Variants in CDYL observed in about 807,000 individuals in gnomAD.
CDYL encodes the protein chromodomain Y-like protein.
Under a neutral mutation model 47.3 loss-of-function variants are expected in CDYL, and 8 were observed. The ratio of observed to expected loss-of-function variants is 0.17; its 90% CI spans 0.10 to 0.31. CDYL has a LOEUF of 0.31. Ranked by LOEUF, CDYL falls within the 10% of genes least tolerant of loss-of-function variation. CDYL has a pLI of 1.00. For synonymous variants in CDYL, 266 were observed against 265.0 expected, an observed-to-expected ratio of 1.00 and a Z score of -0.04; for missense variants, 471 against 701.4, an observed-to-expected ratio of 0.67 and a Z score of 3.71.
chr6:4,712,682 A>G (rs891690455), intron 1 of CDYL, among the ~76,000 whole-genome samples: 1 of 152,176 alleles, frequency 6.6e-6, no homozygotes, highest in Non-Finnish European at 1.5e-5. Context: ...CCCCAAGAGG[A>G]GATTCGGACT....
At chr6:4,882,011 G>A (rs1761776744) in intron 1 of CDYL, among the ~76,000 whole-genome samples, 1 of 152,182 alleles carries the variant, frequency 6.6e-6, no homozygotes, top group Non-Finnish European at 1.5e-5. Flanking sequence ...ATAAAAGTTT[G>A]CCTTTTTAAG....
At chr6:4,824,644 G>C (rs1337388576) in intron 1 of CDYL, among the ~76,000 whole-genome samples, 2 of 152,012 alleles carry the variant, frequency 1.3e-5, no homozygotes, top group Non-Finnish European at 2.9e-5. Context: ...GATATGATTT[G>C]CAAATATTTT....
intron 2 of CDYL, among the ~76,000 whole-genome samples, chr6:4,897,448 A>G (rs1762315865): frequency 6.6e-6 from 1 of 152,196 alleles, no homozygotes; most frequent in African/African-American, 2.4e-5. Context: ...GAGGAGCTGG[A>G]GTGTGATTTC....
At chr6:4,904,721 G>GT (rs1757174793) in intron 2 of CDYL, among the ~76,000 whole-genome samples, 2 of 152,182 alleles carry the variant, frequency 1.3e-5, no homozygotes, top group Non-Finnish European at 2.9e-5. Flanking sequence ...TCTGTCTGCA[G>GT]TTTAAGTTCT....
intron 5 of CDYL, among the ~76,000 whole-genome samples, chr6:4,944,157 T>G (rs1758444764): frequency 6.6e-6 from 1 of 152,236 alleles, no homozygotes; most frequent in South Asian, 2.1e-4. Context: ...TTTTATTTCT[T>G]TAACTGTTTA....
chr6:4,709,738 A>G (rs1757115977), intron 1 of CDYL, among the ~76,000 whole-genome samples: 1 of 152,156 alleles, frequency 6.6e-6, no homozygotes, highest in Non-Finnish European at 1.5e-5. Flanking sequence ...TATTGTGGTT[A>G]TTTTGTCACC....
chr6:4,869,465 G>C (rs896261565), intron 1 of CDYL, among the ~76,000 whole-genome samples: 1 of 152,022 alleles, frequency 6.6e-6, no homozygotes, highest in African/African-American at 2.4e-5. Context: ...TTATTGATAT[G>C]GTTGGTTTTA....
intron 2 of CDYL, among the ~76,000 whole-genome samples, chr6:4,900,779 G>GTGTGTGTGTGTGTGTGTATATATATA: frequency 3.9e-5 from 2 of 51,718 alleles, no homozygotes; most frequent in African/African-American, 1.3e-4. Flanking sequence ...GTATACGTGT[G>GTGTGTGTGTGTGTGTGTATATATATA]TATATATATA....
rs555167730 is a variant in CDYL, at chr6:4,814,039, C to G, written c.24+37232C>G. ...AAGTGATCCACCCACCTTGGCCTCT[C>G]AAAGCATTGGGATTACAGGATAAGC... On this transcript the variant is annotated intron_variant, in intron 1 of 6. Coordinates refer to ENST00000397588, the MANE Select transcript of CDYL (RefSeq NM_004824.4). Among the ~76,000 whole-genome samples the G allele has an allele frequency of 4.8e-4, 73 of 151,518 alleles. 1 individual carries two copies. The South Asian group carries it at 0.015, about 31-fold the overall frequency.
intron 1 of CDYL, among the ~76,000 whole-genome samples, chr6:4,832,993 A>G (rs1472720443): frequency 1.3e-4 from 20 of 151,726 alleles, no homozygotes; most frequent in African/African-American, 4.6e-4. Context: ...CTAGCAGTCT[A>G]TCAATTTTGT....
At chr6:4,900,829 A>ATC (rs1757028810) in intron 2 of CDYL, among the ~76,000 whole-genome samples, 1 of 80,252 alleles carries the variant, frequency 1.2e-5, no homozygotes, top group Non-Finnish European at 2.5e-5. Flanking sequence ...ATATATATAT[A>ATC]TCTTGCCTGT....
At chr6:4,940,102 G>T (rs1758320553) in intron 4 of CDYL, among the ~76,000 whole-genome samples, 1 of 152,204 alleles carries the variant, frequency 6.6e-6, no homozygotes, top group South Asian at 2.1e-4. Context: ...CCAGGTTTAA[G>T]TGGAGATCTC....
At chr6:4,927,427 A>G (rs150447927) in intron 2 of CDYL, among the ~76,000 whole-genome samples, 1 of 51,820 alleles carries the variant, frequency 1.9e-5, no homozygotes. Flanking sequence ...AATTTACTGT[A>G]CGTGTGTGTG....
intron 1 of CDYL, among the ~76,000 whole-genome samples, chr6:4,800,424 A>G (rs1226066776): frequency 2.0e-5 from 3 of 152,140 alleles, no homozygotes; most frequent in East Asian, 1.9e-4. Context: ...GCATTTATAT[A>G]CTTTGTAAAC....
intron 1 of CDYL, among the ~76,000 whole-genome samples, chr6:4,821,589 T>C (rs1002603513): frequency 6.9e-6 from 1 of 144,146 alleles, no homozygotes; most frequent in Admixed American, 6.7e-5. Flanking sequence ...CAAAAATTGG[T>C]GGGCGTGGTG....
chr6:4,840,864 GT>G (rs1188736620), intron 1 of CDYL, among the ~76,000 whole-genome samples: 4 of 151,798 alleles, frequency 2.6e-5, no homozygotes, highest in Non-Finnish European at 4.4e-5. Context: ...GTTTTTGTTT[GT>G]TTTTTGTTTT....
chr6:4,898,854 C>G (rs754205494), intron 2 of CDYL, among the ~76,000 whole-genome samples: 1 of 152,194 alleles, frequency 6.6e-6, no homozygotes, highest in Non-Finnish European at 1.5e-5. Flanking sequence ...TGATTGATGT[C>G]GAACCAAGGC....
intron 3 of CDYL, among the ~76,000 whole-genome samples, chr6:4,759,907 AAAAAAAAAAAAAAAAAAAG>A (rs1758145702): frequency 2.6e-5 from 3 of 117,370 alleles, no homozygotes; most frequent in South Asian, 3.1e-4. Flanking sequence ...AAAAAAAAAA[AAAAAAAAAAAAAAAAAAAG>A]AAGAAGAAAG....
At chr6:4,807,111 C>A (rs977917829) in intron 1 of CDYL, among the ~76,000 whole-genome samples, 1 of 152,168 alleles carries the variant, frequency 6.6e-6, no homozygotes, top group Non-Finnish European at 1.5e-5. Flanking sequence ...GATTAGGGCT[C>A]ACCCTCTAGA....
Sources: gnomAD v4.1 joint callset for allele counts (sites outside exome capture counted in the v4.1 genomes callset) on GRCh38, gnomAD v4.1.1 for gene constraint, MANE v1.5 for transcripts, NCBI Gene and HGNC (gene_info 2026-07-23, HGNC 2026-07-21) for gene names.